The following LHFPL6 variants were observed in gnomAD, a reference collection of about 807,000 sequenced individuals.
LHFPL6 encodes LHFPL tetraspan subfamily member 6.
In LHFPL6, 9 loss-of-function variants were observed where a neutral mutation model predicts 20.6. That is an observed-to-expected ratio of 0.44 (90% CI 0.26 to 0.76). The LOEUF (loss-of-function observed/expected upper bound fraction) is 0.76, where lower values mean the gene tolerates loss of function less well. LHFPL6 is among the 30% of genes least tolerant of loss of function. The pLI is 0.20. For missense variants in LHFPL6, 218 were observed against 253.5 expected (o/e 0.86, Z 0.95); for synonymous variants, 105 against 98.7 (o/e 1.06, Z -0.38).
At chr13:39,349,675 G>A (rs1566090777) in intron 3 of LHFPL6, among the ~76,000 whole-genome samples, 1 of 152,202 alleles carries the variant, frequency 6.6e-6, no homozygotes, top group Non-Finnish European at 1.5e-5. Context: ...TCCAGGATGC[G>A]AAGGCAGCAT....
At chr13:39,368,187 C>G (rs770713065) in intron 3 of LHFPL6, among the ~76,000 whole-genome samples, 2 of 151,282 alleles carry the variant, frequency 1.3e-5, no homozygotes, top group Non-Finnish European at 2.9e-5. Flanking sequence ...AAAAATTAGC[C>G]GGGCATTGTT....
Position 39,343,225 on chromosome 13 carries a change from G to A in LHFPL6, c.*711C>T. On this transcript the variant is annotated 3_prime_UTR_variant, in exon 4 of 4. Transcript: ENST00000379589. The stretch of plus-strand genomic sequence containing the variant: ...GCATAAACACTGAAAATATGTTGAG[G>A]AACTAAATTAGAGTTTATGCAGGAT... 1 of 213,104 alleles carries A rather than the reference G, an allele frequency of 4.7e-6. No individual in the cohort carries two copies. Among genetic ancestry groups the A allele is most frequent in the Non-Finnish European group, 9.5e-6 (1 of 105,102 alleles). 13.2% of individuals were successfully genotyped at this position (213,104 alleles called of 1,614,324 possible).
chr13:39,400,879 T>C (rs1202154756), intron 2 of LHFPL6, among the ~76,000 whole-genome samples: 2 of 151,910 alleles, frequency 1.3e-5, no homozygotes, highest in Admixed American at 1.3e-4. Context: ...TCAACTACTA[T>C]GTTTATTCTA....
At chr13:39,401,306 A>G (rs980050481) in intron 2 of LHFPL6, among the ~76,000 whole-genome samples, 7 of 152,222 alleles carry the variant, frequency 4.6e-5, no homozygotes, top group Non-Finnish European at 7.3e-5. Flanking sequence ...AAACAAGTAC[A>G]GTTTGTTCCT....
intron 2 of LHFPL6, among the ~76,000 whole-genome samples, chr13:39,540,843 T>C (rs1870774330): frequency 6.6e-6 from 1 of 152,136 alleles, no homozygotes; most frequent in Non-Finnish European, 1.5e-5. Flanking sequence ...AAAGAACAGT[T>C]TACCAAAGAG....
intron 2 of LHFPL6, among the ~76,000 whole-genome samples, chr13:39,443,743 T>C (rs1488661564): frequency 6.6e-6 from 1 of 151,986 alleles, no homozygotes; most frequent in African/African-American, 2.4e-5. Context: ...TTTTTTTTAC[T>C]TTATGATGGT....
intron 2 of LHFPL6, among the ~76,000 whole-genome samples, chr13:39,600,549 G>A (rs377451114): frequency 7.9e-5 from 12 of 151,984 alleles, no homozygotes; most frequent in Admixed American, 5.2e-4. Flanking sequence ...CCAAACTGTC[G>A]CCCCTACTAC....
At chr13:39,346,098 G>T (rs564789338) in intron 3 of LHFPL6, among the ~76,000 whole-genome samples, 2 of 152,300 alleles carry the variant, frequency 1.3e-5, no homozygotes, top group South Asian at 2.1e-4. Context: ...GGTACAATGT[G>T]CAATTAAACT....
intron 2 of LHFPL6, among the ~76,000 whole-genome samples, chr13:39,426,218 C>T (rs952812263): frequency 6.7e-6 from 1 of 148,680 alleles, no homozygotes; most frequent in Non-Finnish European, 1.5e-5. Context: ...TTCTTTTTTT[C>T]TTTTTCTTTT....
intron 2 of LHFPL6, among the ~76,000 whole-genome samples, chr13:39,589,550 T>TC (rs1259115695): frequency 6.6e-6 from 1 of 152,238 alleles, no homozygotes; most frequent in Non-Finnish European, 1.5e-5. Flanking sequence ...TCCTGGACTT[T>TC]TTTTTATTAT....
chr13:39,432,883 T>C (rs1392688375), intron 2 of LHFPL6, among the ~76,000 whole-genome samples: 2 of 152,242 alleles, frequency 1.3e-5, no homozygotes, highest in Admixed American at 6.5e-5. Context: ...ACTGAACTGA[T>C]GACTAAACAT....
chr13:39,493,280 C>T lies in LHFPL6; in HGVS notation c.385+107552G>A, dbSNP rs1868989589. On this transcript the variant is annotated intron_variant, in intron 2 of 3. Transcript: ENST00000379589. ...AGTCAGGAGTTTGAGACCAGCCTGGCCAACATGATGAAACTCCATCTCTAC... is the reference window on the plus strand; with the variant it reads ...AGTCAGGAGTTTGAGACCAGCCTGGTCAACATGATGAAACTCCATCTCTAC... Among the ~76,000 whole-genome samples, 7 of 144,456 alleles carry T rather than the reference C, an allele frequency of 4.8e-5. No individual in the cohort carries two copies. In the Admixed American group the frequency reaches 4.9e-4, roughly 10 times the overall value. The allele number at this position is 144,456 out of a possible 152,430, so 94.8% of individuals were successfully genotyped here.
At chr13:39,530,528 C>T (rs1447571825) in intron 2 of LHFPL6, among the ~76,000 whole-genome samples, 1 of 152,092 alleles carries the variant, frequency 6.6e-6, no homozygotes, top group Non-Finnish European at 1.5e-5. Context: ...TGCACAAATT[C>T]AAAGGGCACC....
intron 2 of LHFPL6, among the ~76,000 whole-genome samples, chr13:39,574,451 C>A (rs562321606): frequency 5.4e-4 from 81 of 149,970 alleles, no homozygotes; most frequent in Non-Finnish European, 9.3e-4. Flanking sequence ...CCACTGCACT[C>A]CAGCCTGGGT....
chr13:39,490,780 T>C lies in LHFPL6; in HGVS notation c.385+110052A>G, dbSNP rs1202537879. On this transcript the variant is annotated intron_variant, in intron 2 of 3. Coordinates refer to ENST00000379589, the MANE Select transcript of LHFPL6 (RefSeq NM_005780.3). ...AGCTGCTAAGGACACAGTTTTTCTT[T>C]ACTCATTGCTACTTATTTGGCTTTG... Among the ~76,000 whole-genome samples the C allele has an allele frequency of 3.3e-5, 5 of 152,226 alleles. No individual in the cohort carries two copies. In the East Asian group the frequency reaches 9.6e-4, roughly 29 times the overall value.
At chr13:39,565,487 A>G (rs1871684512) in intron 2 of LHFPL6, among the ~76,000 whole-genome samples, 1 of 152,226 alleles carries the variant, frequency 6.6e-6, no homozygotes, top group Admixed American at 6.5e-5. Context: ...TGGCATAACT[A>G]TCAGACAGCA....
intron 2 of LHFPL6, among the ~76,000 whole-genome samples, chr13:39,576,873 A>G (rs1872133763): frequency 6.6e-6 from 1 of 152,166 alleles, no homozygotes; most frequent in Non-Finnish European, 1.5e-5. Flanking sequence ...TTGAACAAGG[A>G]GCCCTGCATT....
chr13:39,451,583 T>A (rs1015283103), intron 2 of LHFPL6, among the ~76,000 whole-genome samples: 2 of 152,226 alleles, frequency 1.3e-5, no homozygotes, highest in Non-Finnish European at 2.9e-5. Context: ...AAATGTATGC[T>A]CTTCAGAAGA....
At chr13:39,564,022 C>T (rs889397201) in intron 2 of LHFPL6, among the ~76,000 whole-genome samples, 4 of 152,134 alleles carry the variant, frequency 2.6e-5, no homozygotes, top group African/African-American at 9.7e-5. Context: ...ATGGTGAACA[C>T]TCAGTAAACA....
Sources: allele counts gnomAD v4.1 joint callset (sites outside exome capture counted in the v4.1 genomes callset), GRCh38; gene constraint gnomAD v4.1.1; transcripts MANE v1.5; gene names NCBI Gene and HGNC (gene_info 2026-07-23, HGNC 2026-07-21).